GUCY1B1: variants seen among roughly 807,000 people sequenced by gnomAD.
GUCY1B1 encodes guanylate cyclase 1 soluble subunit beta 1, also known as guanylate cyclase soluble subunit beta-1.
A neutral mutation model predicts 71.0 loss-of-function variants in GUCY1B1; 43 were observed. The ratio of observed to expected loss-of-function variants is 0.61; its 90% confidence interval spans 0.47 to 0.78. The LOEUF is 0.78. GUCY1B1 is among the 30% of genes least tolerant of loss of function. GUCY1B1 has a pLI of 0.00. For synonymous variants in GUCY1B1, 266 were observed against 259.7 expected (o/e 1.02, Z -0.23); for missense variants, 535 against 754.1 (o/e 0.71, Z 3.40).
At chr4:155,766,316 T>C (rs575083532) in intron 2 of GUCY1B1, among the ~76,000 whole-genome samples, 2 of 152,256 alleles carry the variant, frequency 1.3e-5, no homozygotes, top group African/African-American at 4.8e-5. Context: ...AATTGACAAA[T>C]AAAAGTTATA....
At chr4:155,783,921 A>T (rs540356965) in intron 4 of GUCY1B1, among the ~76,000 whole-genome samples, 1 of 152,268 alleles carries the variant, frequency 6.6e-6, no homozygotes, top group South Asian at 2.1e-4. Flanking sequence ...TTTTTTAAAA[A>T]CTTATGAAGG....
At chr4:155,792,762 T>C (rs1011363651) in intron 5 of GUCY1B1, among the ~76,000 whole-genome samples, 21 of 152,180 alleles carry the variant, frequency 1.4e-4, no homozygotes, top group African/African-American at 4.8e-4. Flanking sequence ...GTTTTCCCTT[T>C]GTAAGAGGGC....
intron 3 of GUCY1B1, 77 bp downstream of exon 3, chr4:155,775,145 C>T (rs935674103): frequency 1.4e-5 from 11 of 806,208 alleles, no homozygotes; most frequent in South Asian, 4.1e-5. Context: ...AAGATCACAA[C>T]GCAGGGTTAC....
intron 11 of GUCY1B1, among the ~76,000 whole-genome samples, chr4:155,804,225 G>A (rs1740154564): frequency 6.6e-6 from 1 of 152,030 alleles, no homozygotes; most frequent in African/African-American, 2.4e-5. Context: ...ACATTATTCT[G>A]TAATATAAAG....
chr4:155,772,398 TTTTG>T (rs1360766182), intron 2 of GUCY1B1, among the ~76,000 whole-genome samples: 1 of 152,018 alleles, frequency 6.6e-6, no homozygotes, highest in Admixed American at 6.6e-5. Context: ...AAAAGAGAGG[TTTTG>T]TTTGTTTGTT....
At position 155,759,159 on chromosome 4, in the gene GUCY1B1, C is replaced by G. The variant is rs760119038; in HGVS notation, c.3+16C>G. On this transcript the variant is annotated intron_variant, in intron 1 of 13. Transcript: ENST00000264424. ...AGACACCATGGTAAGTGCTCTCAGC[C>G]GGGTGCGGCCCGAACCTCACCCCTC... is the stretch of plus-strand genomic sequence containing the variant. 28 of 1,576,316 alleles carry G rather than the reference C, an allele frequency of 1.8e-5. No individual in the cohort carries two copies. In the Admixed American group the frequency reaches 5.0e-4, roughly 28 times the overall value.
At position 155,802,683 on chromosome 4, in the gene GUCY1B1, G is replaced by A. The variant is rs1740042617; in HGVS notation, c.1413+104G>A. 1.1e-6 allele frequency: 1 copy of A among 946,684 alleles called. No individual in the cohort carries two copies. The highest frequency in any genetic ancestry group is 1.7e-5 in the South Asian group (1 of 57,252). The allele number at this position is 946,684 out of a possible 1,614,324, so 58.6% of individuals were successfully genotyped here. A position where few individuals can be genotyped will look rare whatever the true frequency, so the allele number is the denominator to read the frequency against. The stretch of plus-strand genomic sequence containing the variant: ...ACAGCTCTCTGACTCCAGCACTGCA[G>A]CCTTGAGTACAGTGAGCCTCCATGT... On this transcript the variant is annotated intron_variant, in intron 10 of 13. Transcript: ENST00000264424. This position sits in a 1 kb window ranked among gnomAD's most constrained non-coding sequence, Gnocchi z 4.3.
intron 10 of GUCY1B1, among the ~76,000 whole-genome samples, chr4:155,803,033 G>T (rs973972510): frequency 6.6e-6 from 1 of 152,132 alleles, no homozygotes. Context: ...TTTATAAGGC[G>T]TTTTTGCCCT....
chr4:155,780,755 A>ATGAATC (rs1392687379), intron 4 of GUCY1B1, among the ~76,000 whole-genome samples: 2 of 152,078 alleles, frequency 1.3e-5, no homozygotes, highest in Non-Finnish European at 2.9e-5. Flanking sequence ...TTTTTTACGG[A>ATGAATC]TGAATCATAG....
At chr4:155,799,777 T>C in intron 8 of GUCY1B1, 100 bp from the exon 9 acceptor site, 1 of 617,192 alleles carries the variant, frequency 1.6e-6, no homozygotes, top group Non-Finnish European at 2.9e-6. Context: ...ATGTTTTGAA[T>C]GGTAGGAGGT....
intron 4 of GUCY1B1, among the ~76,000 whole-genome samples, chr4:155,789,419 C>G (rs1739008684): frequency 6.6e-6 from 1 of 152,198 alleles, no homozygotes; most frequent in Non-Finnish European, 1.5e-5. Flanking sequence ...TAGCCCTTAA[C>G]TATGTTTTTT....
intron 2 of GUCY1B1, among the ~76,000 whole-genome samples, chr4:155,769,361 G>A (rs940583988): frequency 9.2e-5 from 14 of 152,088 alleles, no homozygotes; most frequent in Admixed American, 7.2e-4. Flanking sequence ...AGGTTTACTT[G>A]TTAGCCAATG....
chr4:155,759,040 T>TC lies in GUCY1B1; in HGVS notation c.-97dup. 7.8e-7 allele frequency: 1 copy of TC among 1,283,922 alleles called. No homozygotes were observed. The highest frequency in any genetic ancestry group is 1.1e-6 in the Non-Finnish European group (1 of 909,722). 79.5% of individuals were successfully genotyped at this position (1,283,922 alleles called of 1,614,324 possible). On this transcript the variant is annotated 5_prime_UTR_variant, in exon 1 of 14. Coordinates refer to ENST00000264424, the MANE Select transcript of GUCY1B1 (RefSeq NM_000857.5). ...GTTCTCGCTCCAGCTCGATGCTGCC[T>TC]CCCCGGCCCGGTTGCGCTGTAGCCG...
At chr4:155,805,767 T>G (rs1185804978) in intron 13 of GUCY1B1, among the ~76,000 whole-genome samples, 5 of 152,198 alleles carry the variant, frequency 3.3e-5, no homozygotes, top group Admixed American at 2.6e-4. Flanking sequence ...AGAATCTGAT[T>G]AATTCCTTAG....
intron 11 of GUCY1B1, among the ~76,000 whole-genome samples, chr4:155,804,041 A>G (rs1740140330): frequency 6.6e-6 from 1 of 152,152 alleles, no homozygotes; most frequent in African/African-American, 2.4e-5. Flanking sequence ...AACCTCTTTC[A>G]TGTCTCATGT....
Position 155,798,552 on chromosome 4 carries a change from A to G in GUCY1B1, c.978-1325A>G, listed in dbSNP as rs187350406. On this transcript the variant is annotated intron_variant, in intron 8 of 13. Coordinates refer to ENST00000264424, the MANE Select transcript of GUCY1B1 (RefSeq NM_000857.5). ...CATTAGTAAAATCTTTGATTGTTTTATTTTCTTTATAGGTATGCTAATTTT... is the reference window on the plus strand; with the variant it reads ...CATTAGTAAAATCTTTGATTGTTTTGTTTTCTTTATAGGTATGCTAATTTT... Among the ~76,000 whole-genome samples the G allele has an allele frequency of 5.7e-3, 872 of 152,104 alleles. 9 individuals carry two copies. Among genetic ancestry groups the G allele is most frequent in the African/African-American group, 0.02 (824 of 41,516 alleles).
chr4:155,790,413 G>A (rs981663782), intron 5 of GUCY1B1, among the ~76,000 whole-genome samples: 5 of 152,222 alleles, frequency 3.3e-5, no homozygotes, highest in Admixed American at 6.5e-5. Flanking sequence ...CTTGGTGAAA[G>A]AAGCCAGGTC....
chr4:155,760,748 G>A (rs918350735), intron 2 of GUCY1B1, among the ~76,000 whole-genome samples: 1 of 152,196 alleles, frequency 6.6e-6, no homozygotes, highest in Non-Finnish European at 1.5e-5. Flanking sequence ...TCATATTAGA[G>A]CAACAGTCAG....
chr4:155,786,531 G>A (rs1366643866), intron 4 of GUCY1B1, among the ~76,000 whole-genome samples: 1 of 140,948 alleles, frequency 7.1e-6, no homozygotes, highest in Non-Finnish European at 1.5e-5. Context: ...GTGCAGTGGC[G>A]AGATTTCGGC....
Sources: gnomAD v4.1 joint callset for allele counts (sites outside exome capture counted in the v4.1 genomes callset) on GRCh38, gnomAD v4.1.1 for gene constraint, Gnocchi (gnomAD v3.1) non-coding constraint, MANE v1.5 for transcripts, NCBI Gene and HGNC (gene_info 2026-07-23, HGNC 2026-07-21) for gene names.